The following EXOC4 variants were observed in gnomAD, a reference collection of about 807,000 sequenced individuals.
EXOC4 encodes the protein exocyst complex component 4.
EXOC4 carries 71 observed loss-of-function variants against 107.2 expected under a neutral mutation model. That is an observed-to-expected ratio of 0.66 (90% CI 0.55 to 0.81). The LOEUF is 0.81. Ranked by LOEUF, EXOC4 falls within the 30% of genes least tolerant of loss-of-function variation. EXOC4 has a pLI of 0.00. For missense variants in EXOC4, 1,108 were observed against 1,189.6 expected, an observed-to-expected ratio of 0.93 and a Z score of 1.01; for synonymous variants, 456 against 441.2, an observed-to-expected ratio of 1.03 and a Z score of -0.42.
the EXOC4 span, among the ~76,000 whole-genome samples, chr7:134,077,216 C>T: frequency 6.6e-6 from 1 of 152,108 alleles, no homozygotes. Flanking sequence ...TACAAAGGCT[C>T]AAGAACCAAG....
At chr7:133,713,738 G>A (rs1281861006) in intron 10 of EXOC4, among the ~76,000 whole-genome samples, 2 of 151,976 alleles carry the variant, frequency 1.3e-5, no homozygotes, top group African/African-American at 4.8e-5. Context: ...TTTATAAGGG[G>A]CTCTTTCCCC....
intron 7 of EXOC4, among the ~76,000 whole-genome samples, chr7:133,424,498 A>G (rs1422374090): frequency 1.3e-5 from 2 of 152,062 alleles, no homozygotes; most frequent in East Asian, 3.9e-4. Context: ...ATCTTTAAGA[A>G]CTGTAACACT....
intron 7 of EXOC4, among the ~76,000 whole-genome samples, chr7:133,456,588 AC>A (rs1798468026): frequency 6.6e-6 from 1 of 151,992 alleles, no homozygotes; most frequent in African/African-American, 2.4e-5. Context: ...CATGAATTGA[AC>A]TCTGCAAACT....
At chr7:133,819,900 C>T (rs1487261354) in intron 11 of EXOC4, among the ~76,000 whole-genome samples, 5 of 152,136 alleles carry the variant, frequency 3.3e-5, no homozygotes, top group Non-Finnish European at 7.4e-5. Context: ...ATGCTACCAA[C>T]AAAATGACAT....
chr7:133,780,324 T>G (rs1796438701), intron 10 of EXOC4, among the ~76,000 whole-genome samples: 1 of 151,214 alleles, frequency 6.6e-6, no homozygotes, highest in Non-Finnish European at 1.5e-5. Flanking sequence ...AAAGCCATAC[T>G]TTTAGCGTTT....
chr7:134,037,139 C>T (rs118087355), intron 17 of EXOC4, among the ~76,000 whole-genome samples: 4,565 of 152,170 alleles, frequency 0.03, 108 homozygotes, highest in Non-Finnish European at 0.045. Flanking sequence ...TCATTTTAAA[C>T]AGCAATATAG....
intron 9 of EXOC4, among the ~76,000 whole-genome samples, chr7:133,496,365 C>T (rs557020108): frequency 2.6e-4 from 40 of 152,208 alleles, no homozygotes; most frequent in Non-Finnish European, 2.6e-4. Context: ...CAAGGTCTCA[C>T]TTTTTTGCTG....
intron 9 of EXOC4, among the ~76,000 whole-genome samples, chr7:133,588,960 ATATG>A (rs1010756261): frequency 1.7e-5 from 2 of 114,856 alleles, no homozygotes; most frequent in Middle Eastern, 4.8e-3. Flanking sequence ...GTGTGTGCAC[ATATG>A]TGTGTGTGTG....
chr7:133,402,023 T>G (rs1362981078), intron 7 of EXOC4, among the ~76,000 whole-genome samples: 1 of 152,196 alleles, frequency 6.6e-6, no homozygotes, highest in Admixed American at 6.5e-5. Context: ...TACTATGTAA[T>G]TAAGGGCTTT....
intron 9 of EXOC4, among the ~76,000 whole-genome samples, chr7:133,612,721 G>A (rs1290786173): frequency 6.6e-6 from 1 of 152,154 alleles, no homozygotes; most frequent in Non-Finnish European, 1.5e-5. Flanking sequence ...TTGGAAGGTA[G>A]TAGCAGTGAG....
At chr7:133,895,414 A>G (rs947348946) in intron 11 of EXOC4, among the ~76,000 whole-genome samples, 185 bp from the exon 12 acceptor site, 6 of 152,192 alleles carry the variant, frequency 3.9e-5, no homozygotes, top group African/African-American at 1.4e-4. Context: ...TGGGAGCTGT[A>G]GACCAGAGCT....
intron 7 of EXOC4, among the ~76,000 whole-genome samples, chr7:133,435,710 G>A (rs1296996770): frequency 6.6e-6 from 1 of 152,006 alleles, no homozygotes; most frequent in Non-Finnish European, 1.5e-5. Context: ...CTCTATCCTA[G>A]TCCCATCCAT....
At chr7:133,290,803 A>G (rs900552760) in intron 3 of EXOC4, 1 of 152,210 alleles carries the variant, frequency 6.6e-6, no homozygotes, top group Non-Finnish European at 1.5e-5. Flanking sequence ...AGTTACAGAA[A>G]TTCAACTCTA....
At chr7:133,675,253 C>CGAT (rs1794030207) in intron 10 of EXOC4, among the ~76,000 whole-genome samples, 5 of 152,058 alleles carry the variant, frequency 3.3e-5, no homozygotes, top group Non-Finnish European at 5.9e-5. Flanking sequence ...TGTCAGCTAT[C>CGAT]CATAAATGCA....
chr7:133,986,346 A>G (rs1794113731), intron 14 of EXOC4, among the ~76,000 whole-genome samples: 7 of 152,358 alleles, frequency 4.6e-5, no homozygotes, highest in South Asian at 2.1e-4. Context: ...ATGTAGAAAC[A>G]TAGCAAAAGA....
chr7:133,649,213 G>C (rs779615456), intron 10 of EXOC4, among the ~76,000 whole-genome samples: 2 of 151,978 alleles, frequency 1.3e-5, no homozygotes, highest in Admixed American at 6.6e-5. Flanking sequence ...GGATACTTAT[G>C]GTTCTATGGA....
At chr7:133,348,912 T>C (rs1795845755) in intron 5 of EXOC4, among the ~76,000 whole-genome samples, 2 of 152,162 alleles carry the variant, frequency 1.3e-5, no homozygotes, top group Non-Finnish European at 2.9e-5. Context: ...AAAAAGTTTA[T>C]TTGTTAAATC....
Position 133,817,404 on chromosome 7 carries a change from A to G in EXOC4, c.1594A>G (p.Ile532Val), listed in dbSNP as rs202018736. The G allele has an allele frequency of 6.2e-7, 1 of 1,614,124 alleles. No individual in the cohort carries two copies. The highest frequency in any genetic ancestry group is 2.2e-5 in the East Asian group (1 of 44,868). ...TCTTCGAGAGTTTCTCACCGTGTACATCAAAAACATCTTTCTCAATCAAGT... is the reference window on the plus strand; with the variant it reads ...TCTTCGAGAGTTTCTCACCGTGTACGTCAAAAACATCTTTCTCAATCAAGT... ...CPLREFLTVY[I>V]KNIFLNQVLA... The change falls in exon 11 of 18, where the codon ATC becomes GTC. Residue 532 changes from isoleucine (I) to valine (V), a missense_variant. Transcript: ENST00000253861.
intron 5 of EXOC4, among the ~76,000 whole-genome samples, chr7:133,339,642 G>A (rs1236993403): frequency 5.3e-5 from 8 of 152,134 alleles, no homozygotes; most frequent in Non-Finnish European, 1.0e-4. Flanking sequence ...ATCCATGAGC[G>A]TGGGATGTGT....
Sources: gnomAD v4.1 joint callset for allele counts (sites outside exome capture counted in the v4.1 genomes callset) on GRCh38, gnomAD v4.1.1 for gene constraint, MANE v1.5 for transcripts, NCBI Gene and HGNC (gene_info 2026-07-23, HGNC 2026-07-21) for gene names.